Variants in LDLRAD4 observed in about 807,000 individuals in gnomAD.
LDLRAD4 encodes low-density lipoprotein receptor class A domain-containing protein 4.
In LDLRAD4, 5 loss-of-function variants were observed where a neutral mutation model predicts 17.0. The ratio of observed to expected loss-of-function variants is 0.29; its 90% confidence interval spans 0.15 to 0.62. The LOEUF is 0.62. Among genes scored for constraint, LDLRAD4 ranks in the 20% least tolerant of loss-of-function variants. The pLI, the probability that LDLRAD4 is intolerant of heterozygous loss-of-function variation, is 0.84. For missense variants in LDLRAD4, 340 were observed against 424.7 expected (o/e 0.80, Z 1.75); for synonymous variants, 168 against 171.8 (o/e 0.98, Z 0.17).
intron 1 of LDLRAD4, among the ~76,000 whole-genome samples, chr18:13,236,217 C>T (rs1027324760): frequency 6.6e-5 from 10 of 151,718 alleles, no homozygotes; most frequent in South Asian, 2.1e-4. Context: ...AGCAGTTTCT[C>T]GTTAGATGTG....
chr18:13,447,996 G>A (rs4797774), intron 3 of LDLRAD4, among the ~76,000 whole-genome samples: 127,827 of 152,124 alleles, frequency 0.84, 55,495 homozygotes, highest in East Asian at 0.96. Flanking sequence ...GGCCGGGAGG[G>A]TGTAGGGAGA....
chr18:13,641,700 G>A (rs2148975750), intron 4 of LDLRAD4: 15 of 964,878 alleles, frequency 1.6e-5, no homozygotes, highest in Non-Finnish European at 1.8e-5. Flanking sequence ...CCGGGCTGGC[G>A]GGGCCGCCAG....
intron 3 of LDLRAD4, among the ~76,000 whole-genome samples, chr18:13,444,656 CTCCCAGCA>C (rs1260096910): frequency 7.2e-5 from 11 of 152,224 alleles, no homozygotes; most frequent in African/African-American, 2.4e-4. Flanking sequence ...TCTCTGCTGC[CTCCCAGCA>C]TCCTATGAGC....
Position 13,473,667 on chromosome 18 carries a change from AT to A in LDLRAD4, c.181+35284del, listed in dbSNP as rs1568213884. On this transcript the variant is annotated intron_variant, in intron 3 of 5. Transcript: ENST00000359446. The stretch of plus-strand genomic sequence containing the variant: ...TATATATATATATATATATATATAT[AT>A]ATATATATATAACGTTTACATTTTA... Among the ~76,000 whole-genome samples the A allele has an allele frequency of 8.4e-4, 96 of 113,678 alleles. 3 individuals are homozygous for A. The highest frequency in any genetic ancestry group is 5.5e-3 in the South Asian group (17 of 3,114). 74.6% of individuals were successfully genotyped at this position (113,678 alleles called of 152,430 possible).
intron 3 of LDLRAD4, chr18:13,489,007 A>C (rs2093300370): frequency 6.6e-6 from 1 of 152,204 alleles, no homozygotes; most frequent in African/African-American, 2.4e-5. Flanking sequence ...TGCAAAAAGA[A>C]AGTGTGGGGG....
At chr18:13,642,043 C>T (rs541521634) in intron 4 of LDLRAD4, 4 of 985,278 alleles carry the variant, frequency 4.1e-6, no homozygotes, top group Non-Finnish European at 3.6e-6. Context: ...CCCCCGCCCT[C>T]GTCTGTGCCT....
At chr18:13,535,449 T>C (rs532256913) in intron 3 of LDLRAD4, among the ~76,000 whole-genome samples, 1 of 152,354 alleles carries the variant, frequency 6.6e-6, no homozygotes, top group Admixed American at 6.5e-5. Flanking sequence ...ATGTCCCTCT[T>C]GCTTATCTGT....
At chr18:13,534,632 A>G (rs1369167977) in intron 3 of LDLRAD4, among the ~76,000 whole-genome samples, 1 of 152,066 alleles carries the variant, frequency 6.6e-6, no homozygotes, top group Non-Finnish European at 1.5e-5. Flanking sequence ...ACTTTCTTAT[A>G]CTCATGTTTG....
chr18:13,279,009 A>G (rs1442982649), intron 1 of LDLRAD4, among the ~76,000 whole-genome samples: 1 of 152,224 alleles, frequency 6.6e-6, no homozygotes, highest in Non-Finnish European at 1.5e-5. Context: ...TGGAATGTAA[A>G]TGGACTTTTT....
chr18:13,426,668 CT>C (rs1161305707), intron 2 of LDLRAD4, among the ~76,000 whole-genome samples: 2 of 152,212 alleles, frequency 1.3e-5, no homozygotes, highest in Admixed American at 1.3e-4. Flanking sequence ...AAAAGCCATT[CT>C]TTTAAGTACC....
chr18:13,414,925 A>T (rs1331071414), intron 2 of LDLRAD4, among the ~76,000 whole-genome samples: 1 of 152,232 alleles, frequency 6.6e-6, no homozygotes, highest in Non-Finnish European at 1.5e-5. Flanking sequence ...TACTGTTTTC[A>T]TGCATGACCT....
rs959834054 is a variant in LDLRAD4, at chr18:13,622,891, A to G, written c.336+1620A>G. Among the ~76,000 whole-genome samples, 5 of 152,158 alleles carry G rather than the reference A, an allele frequency of 3.3e-5. No homozygotes were observed. The highest frequency in any genetic ancestry group is 1.2e-4 in the African/African-American group (5 of 41,436). ...TTGGCCTTCTCTCCAGGAGCTCCAG[A>G]ACGCTTGGGGTCTCTGTGCGCAGGC... is the stretch of plus-strand genomic sequence containing the variant. On this transcript the variant is annotated intron_variant, in intron 4 of 5. Transcript: ENST00000359446. This position sits in a 1 kb window ranked among gnomAD's most constrained non-coding sequence, Gnocchi z 5.3.
intron 3 of LDLRAD4, among the ~76,000 whole-genome samples, chr18:13,516,292 T>A (rs987277427): frequency 6.6e-6 from 1 of 152,220 alleles, no homozygotes; most frequent in Non-Finnish European, 1.5e-5. Context: ...CGAATGAGGT[T>A]GAACCTTTAC....
intron 3 of LDLRAD4, among the ~76,000 whole-genome samples, chr18:13,548,472 A>G (rs1416881365): frequency 6.6e-6 from 1 of 152,222 alleles, no homozygotes; most frequent in Middle Eastern, 3.2e-3. Flanking sequence ...AGAAGGGGCC[A>G]AGGGCAAGGG....
intron 1 of LDLRAD4, among the ~76,000 whole-genome samples, chr18:13,226,180 C>CTTTGTTTTTTTTTTTTTTT (rs2041781922): frequency 1.9e-5 from 1 of 52,188 alleles, no homozygotes. Context: ...CCATGCCTTG[C>CTTTGTTTTTTTTTTTTTTT]TTTTTTTTTT....
rs143437578 is a variant in LDLRAD4 at position 13,434,986 on chromosome 18, ACTCTGAC to A, written c.41-3256_41-3250del. Among the ~76,000 whole-genome samples, 719 of 152,310 alleles carry A rather than the reference ACTCTGAC, an allele frequency of 4.7e-3. 8 individuals carry two copies. The highest frequency in any genetic ancestry group is 0.016 in the African/African-American group (676 of 41,558). On this transcript the variant is annotated intron_variant, in intron 2 of 5. Transcript: ENST00000359446. The stretch of plus-strand genomic sequence containing the variant: ...GCCAGTGAGATAGGACCTGTCTGGG[ACTCTGAC>A]CCCAGCAGTGCTGAAAGACGTCCAG...
rs1248240416 is a variant in LDLRAD4, at chr18:13,400,418, CA to C, written c.40+12657del. Among the ~76,000 whole-genome samples, 3 of 152,220 alleles carry C rather than the reference CA, an allele frequency of 2.0e-5. No homozygotes were observed. The East Asian group carries it at 5.8e-4, about 29-fold the overall frequency. On this transcript the variant is annotated intron_variant, in intron 2 of 5. Coordinates refer to ENST00000359446, the Ensembl canonical transcript of LDLRAD4. ...AGGAATTTGGGCTTGGGTCAGAGTCCAGGGGTGAGGGTAGGCCCACCTGTCA... is the reference window on the plus strand; with the variant it reads ...AGGAATTTGGGCTTGGGTCAGAGTCCGGGGTGAGGGTAGGCCCACCTGTCA...
intron 3 of LDLRAD4, among the ~76,000 whole-genome samples, chr18:13,463,458 A>G (rs563292183): frequency 6.6e-6 from 1 of 152,332 alleles, no homozygotes; most frequent in East Asian, 1.9e-4. Context: ...AGTTAACACT[A>G]TAGCTCCATT....
chr18:13,572,649 C>G (rs2094709513), intron 3 of LDLRAD4, among the ~76,000 whole-genome samples: 1 of 152,196 alleles, frequency 6.6e-6, no homozygotes, highest in Non-Finnish European at 1.5e-5. Flanking sequence ...TCTTACAATT[C>G]CCATCATGCT....
Sources: gnomAD v4.1 joint callset for allele counts (sites outside exome capture counted in the v4.1 genomes callset) on GRCh38, gnomAD v4.1.1 for gene constraint, Gnocchi (gnomAD v3.1) non-coding constraint, MANE v1.5 for transcripts, NCBI Gene and HGNC (gene_info 2026-07-23, HGNC 2026-07-21) for gene names.